The following STPG2 variants were observed in gnomAD, a reference collection of about 807,000 sequenced individuals.
The protein encoded by STPG2 is sperm tail PG-rich repeat containing 2.
In STPG2, 56 loss-of-function variants were observed where a neutral mutation model predicts 54.2. The observed-to-expected ratio is 1.03, with a 90% CI of 0.83 to 1.29. STPG2 has a LOEUF of 1.29. Ranked by LOEUF, STPG2 falls within the 50% of genes most tolerant of loss-of-function variation. STPG2 has a pLI of 0.00. For synonymous variants in STPG2, 200 were observed against 181.8 expected (o/e 1.10, Z -0.81); for missense variants, 596 against 544.9 (o/e 1.09, Z -0.93).
At chr4:97,469,189 T>C (rs1366144551) in intron 4 of STPG2, among the ~76,000 whole-genome samples, 2 of 152,106 alleles carry the variant, frequency 1.3e-5, no homozygotes, top group Non-Finnish European at 2.9e-5. Context: ...CACCTGTTTA[T>C]TGGCTAAAGG....
chr4:97,963,820 C>A (rs1445718868), intron 7 of STPG2, among the ~76,000 whole-genome samples: 1 of 151,544 alleles, frequency 6.6e-6, no homozygotes, highest in Non-Finnish European at 1.5e-5. Context: ...CAGATAGAAA[C>A]TCAAACTGAA....
intron 10 of STPG2, among the ~76,000 whole-genome samples, chr4:97,601,256 T>G (rs566268175): frequency 1.2e-4 from 19 of 152,168 alleles, no homozygotes; most frequent in African/African-American, 4.3e-4. Flanking sequence ...AGGGAGAATT[T>G]TTCATATTGT....
chr4:97,972,337 C>T lies in STPG2; in HGVS notation c.876G>A (p.Arg292=), dbSNP rs748052305. The T allele has an allele frequency of 2.5e-6, 4 of 1,609,814 alleles. No individual in the cohort carries two copies. The highest frequency in any genetic ancestry group is 1.3e-5 in the African/African-American group (1 of 74,716). ...CTTCTTTCTGAACCGAGAAGAAAGTCCGAGGAACAGAAGAACCAAATGCAC... is the reference window on the plus strand; with the variant it reads ...CTTCTTTCTGAACCGAGAAGAAAGTTCGAGGAACAGAAGAACCAAATGCAC... ...KKSAFGSSVP[R]TFFSVQKEAC... The change falls in exon 7 of 11, where the codon CGG becomes CGA. Residue 292 remains arginine (R), a synonymous_variant. Coordinates refer to ENST00000295268, the MANE Select transcript of STPG2 (RefSeq NM_174952.3).
chr4:97,707,729 G>A (rs1723993175), intron 10 of STPG2, among the ~76,000 whole-genome samples: 2 of 151,956 alleles, frequency 1.3e-5, no homozygotes, highest in Admixed American at 6.6e-5. Context: ...AATTATAAGT[G>A]AAAGGAAGGA....
At chr4:97,595,189 T>C (rs1303698198) in intron 10 of STPG2, among the ~76,000 whole-genome samples, 3 of 152,108 alleles carry the variant, frequency 2.0e-5, no homozygotes, top group Non-Finnish European at 2.9e-5. Flanking sequence ...AGCAAAGACT[T>C]GGAACCAACC....
chr4:97,663,950 T>G (rs1325705590), intron 10 of STPG2, among the ~76,000 whole-genome samples: 1 of 152,174 alleles, frequency 6.6e-6, no homozygotes, highest in East Asian at 1.9e-4. Flanking sequence ...CATGCAAAAT[T>G]TCCTAAAGTT....
At chr4:97,601,992 A>ATATTTTGTT (rs57760415) in intron 10 of STPG2, among the ~76,000 whole-genome samples, 19,987 of 151,542 alleles carry the variant, frequency 0.13, 4,057 homozygotes, top group African/African-American at 0.44. Context: ...TATGTACCCC[A>ATATTTTGTT]TATTTTGTTG....
At chr4:97,596,937 A>T (rs532637448) in intron 10 of STPG2, among the ~76,000 whole-genome samples, 4 of 152,214 alleles carry the variant, frequency 2.6e-5, no homozygotes, top group African/African-American at 4.8e-5. Flanking sequence ...TGAAAAAAAA[A>T]TGGGACGAGA....
chr4:97,904,551 TCTC>T (rs2149191053), intron 8 of STPG2, among the ~76,000 whole-genome samples: 1 of 152,300 alleles, frequency 6.6e-6, no homozygotes, highest in Admixed American at 6.5e-5. Flanking sequence ...GTTTCCTGCC[TCTC>T]CTCCTCCAAA....
intron 8 of STPG2, among the ~76,000 whole-genome samples, chr4:97,898,841 C>T (rs10856932): frequency 0.37 from 56,502 of 151,270 alleles, 10,621 homozygotes; most frequent in Middle Eastern, 0.46. Context: ...AATTAAATTA[C>T]ATTTTACACA....
At chr4:98,062,815 A>G (rs1737704259) in intron 5 of STPG2, among the ~76,000 whole-genome samples, 1 of 152,144 alleles carries the variant, frequency 6.6e-6, no homozygotes, top group South Asian at 2.1e-4. Flanking sequence ...TCAAGCATCC[A>G]TTGGATATTA....
At chr4:97,519,661 T>A (rs1268060508) in intron 4 of STPG2, among the ~76,000 whole-genome samples, 24 of 151,972 alleles carry the variant, frequency 1.6e-4, no homozygotes. Context: ...AAGAATGTAC[T>A]AACTCAGTAA....
rs141376895 is a variant in STPG2, at chr4:97,652,979, T to C, written c.1320+59720A>G. 4.1e-3 allele frequency among the ~76,000 whole-genome samples: 629 copies of C among 152,074 alleles called. 3 individuals are homozygous for C. Among genetic ancestry groups the C allele is most frequent in the South Asian group, 0.02 (98 of 4,826 alleles). On this transcript the variant is annotated intron_variant, in intron 10 of 10. Transcript: ENST00000295268. ...TTCCTCATATACCTTTAGCAGGAGA[T>C]AGAAATTTTTTCAACAGTAGGAGTT...
chr4:97,617,293 TA>T (rs1003785617), intron 10 of STPG2, among the ~76,000 whole-genome samples: 14 of 151,834 alleles, frequency 9.2e-5, no homozygotes, highest in Middle Eastern at 3.4e-3. Flanking sequence ...ATTACAAGCC[TA>T]AAAAAAAGGT....
At chr4:97,572,372 C>G (rs1732622353) in intron 10 of STPG2, among the ~76,000 whole-genome samples, 1 of 152,148 alleles carries the variant, frequency 6.6e-6, no homozygotes, top group African/African-American at 2.4e-5. Context: ...TTAAGATTTT[C>G]TCTTTCTTTC....
intron 10 of STPG2, among the ~76,000 whole-genome samples, chr4:97,621,643 A>G (rs1050121031): frequency 3.3e-5 from 5 of 152,174 alleles, no homozygotes; most frequent in African/African-American, 1.2e-4. Flanking sequence ...TAAAAAGCCT[A>G]CCAGTGAAAA....
rs187002186 is a variant in STPG2, at chr4:97,682,239, A to T, written c.1320+30460T>A. On this transcript the variant is annotated intron_variant, in intron 10 of 10. Transcript: ENST00000295268. ...AAAAAAGAACACAGCCAAGAGAGTC[A>T]AGATAACATACTGTGATAGCTTAGA... 2.6e-3 allele frequency among the ~76,000 whole-genome samples: 392 copies of T among 151,946 alleles called. 2 individuals are homozygous for T. The highest frequency in any genetic ancestry group is 8.6e-3 in the African/African-American group (358 of 41,560).
intron 8 of STPG2, among the ~76,000 whole-genome samples, chr4:97,938,558 C>T (rs1732849500): frequency 6.6e-6 from 1 of 152,014 alleles, no homozygotes; most frequent in Non-Finnish European, 1.5e-5. Flanking sequence ...AGAATCTGAA[C>T]AGCTCTGTGG....
intron 8 of STPG2, among the ~76,000 whole-genome samples, chr4:97,933,237 A>C (rs943914979): frequency 6.6e-6 from 1 of 151,878 alleles, no homozygotes; most frequent in East Asian, 1.9e-4. Context: ...AAATTTGTTT[A>C]AGTTCCTTGT....
Sources: gnomAD v4.1 joint callset for allele counts (sites outside exome capture counted in the v4.1 genomes callset) on GRCh38, gnomAD v4.1.1 for gene constraint, MANE v1.5 for transcripts, NCBI Gene and HGNC (gene_info 2026-07-23, HGNC 2026-07-21) for gene names.